The following CHD9 variants were observed in gnomAD, a reference collection of about 807,000 sequenced individuals.
The protein encoded by CHD9 is ATP-dependent chromatin remodeler CHD9.
CHD9 carries 77 observed loss-of-function variants against 316.1 expected under a neutral mutation model. The ratio of observed to expected loss-of-function variants is 0.24; its 90% CI spans 0.20 to 0.29. The LOEUF (loss-of-function observed/expected upper bound fraction) is 0.29, where lower values mean the gene tolerates loss of function less well. CHD9 is among the 10% of genes least tolerant of loss of function. The pLI is 1.00. For missense variants in CHD9, 2,763 were observed against 3,438.1 expected, an observed-to-expected ratio of 0.80 and a Z score of 4.91; for synonymous variants, 1,129 against 1,158.3, an observed-to-expected ratio of 0.97 and a Z score of 0.51.
At chr16:53,180,224 C>T (rs1276611149) in intron 2 of CHD9, among the ~76,000 whole-genome samples, 1 of 151,948 alleles carries the variant, frequency 6.6e-6, no homozygotes, top group African/African-American at 2.4e-5. Context: ...CCAGGCTGGC[C>T]TCGAACTGCT....
At chr16:53,198,267 G>T (rs577757895) in intron 2 of CHD9, among the ~76,000 whole-genome samples, 2 of 150,368 alleles carry the variant, frequency 1.3e-5, no homozygotes, top group Non-Finnish European at 2.9e-5. Flanking sequence ...GAGACTACAC[G>T]TCCATTGTTC....
intron 2 of CHD9, among the ~76,000 whole-genome samples, chr16:53,199,697 A>G (rs75746147): frequency 6.6e-6 from 1 of 152,280 alleles, no homozygotes; most frequent in Non-Finnish European, 1.5e-5. Flanking sequence ...GTAAGTGAGA[A>G]CATGTAGTTT....
At position 53,324,829 on chromosome 16, in the gene CHD9, T is replaced by A; in HGVS notation, c.8628T>A (p.Asp2876Glu). ...NSTDEGSEKA[D>E]ASSGSDSTSS... The stretch of plus-strand genomic sequence containing the variant: ...CAGATGAGGGTTCAGAGAAAGCTGA[T>A]GCTTCATCTGGATCTGATAGTACAT... The change falls in exon 39 of 39, where the codon GAT (aspartate) becomes GAA (glutamate). Residue 2876 changes from aspartate (D) to glutamate (E), a missense_variant. Coordinates refer to ENST00000447540, the MANE Select transcript of CHD9 (RefSeq NM_001308319.2). The A allele has an allele frequency of 1.2e-6, 2 of 1,612,344 alleles. No individual in the cohort carries two copies. Among genetic ancestry groups the A allele is most frequent in the Non-Finnish European group, 1.7e-6 (2 of 1,179,170 alleles).
At chr16:53,056,684 G>C (rs2032163748) in intron 1 of CHD9, among the ~76,000 whole-genome samples, 1 of 152,206 alleles carries the variant, frequency 6.6e-6, no homozygotes, top group Non-Finnish European at 1.5e-5. Context: ...TCACTGCTGT[G>C]AGCTGAGCAC....
intron 1 of CHD9, among the ~76,000 whole-genome samples, chr16:53,107,115 C>A (rs1287766098): frequency 1.3e-5 from 2 of 152,086 alleles, no homozygotes; most frequent in African/African-American, 4.8e-5. Flanking sequence ...ACAGCCTGGG[C>A]AATATAGCGA....
At position 53,155,939 on chromosome 16, in the gene CHD9, C is replaced by CATGACATGTCATTATTGCTCTAAATA; in HGVS notation, c.-135_-134insGCTCTAAATAATGACATGTCATTATT. 1.4e-6 allele frequency: 1 copy of CATGACATGTCATTATTGCTCTAAATA among 700,220 alleles called. No individual in the cohort carries two copies. The highest frequency in any genetic ancestry group is 2.3e-6 in the Non-Finnish European group (1 of 430,514). The allele number at this position is 700,220 out of a possible 1,614,324, so 43.4% of individuals were successfully genotyped here. ...CTTTTTTTCTAGGATTTTGACACTT[C>CATGACATGTCATTATTGCTCTAAATA]ATGACATGTCATTATTTAGAGCAAT... On this transcript the variant is annotated 5_prime_UTR_variant, in exon 2 of 39. The change creates a new upstream start codon in the 5' untranslated region. Coordinates refer to ENST00000447540, the MANE Select transcript of CHD9 (RefSeq NM_001308319.2).
chr16:53,107,498 TA>T lies in CHD9; in HGVS notation c.-164-48424del, dbSNP rs1338706681. 3.6e-5 allele frequency among the ~76,000 whole-genome samples: 5 copies of T among 139,544 alleles called. No homozygotes were observed. In the East Asian group the frequency reaches 8.6e-4, roughly 24 times the overall value. 91.5% of individuals were successfully genotyped at this position (139,544 alleles called of 152,430 possible). ...ATAAAATAAAATAAAATAAATAAAA[TA>T]AAATAAAATAAAATATAAAATAAAA... is the stretch of plus-strand genomic sequence containing the variant. On this transcript the variant is annotated intron_variant, in intron 1 of 38. Transcript: ENST00000447540.
intron 24 of CHD9, among the ~76,000 whole-genome samples, chr16:53,285,282 C>G (rs1444051730): frequency 6.6e-6 from 1 of 152,138 alleles, no homozygotes; most frequent in Non-Finnish European, 1.5e-5. Flanking sequence ...GACATAGTCT[C>G]TACTTCCAAT....
At chr16:53,264,750 A>G (rs1158092709) in intron 20 of CHD9, among the ~76,000 whole-genome samples, 2 of 152,216 alleles carry the variant, frequency 1.3e-5, no homozygotes, top group Non-Finnish European at 2.9e-5. Context: ...ATGAAGAGAA[A>G]GAGCCAATAC....
intron 1 of CHD9, among the ~76,000 whole-genome samples, chr16:53,061,991 C>T (rs1388986748): frequency 6.6e-6 from 1 of 152,118 alleles, no homozygotes; most frequent in Non-Finnish European, 1.5e-5. Flanking sequence ...GGGATTTTTC[C>T]CTTTTGAGCT....
intron 26 of CHD9, among the ~76,000 whole-genome samples, chr16:53,287,229 C>A (rs1453401220): frequency 6.6e-6 from 1 of 152,152 alleles, no homozygotes; most frequent in African/African-American, 2.4e-5. Context: ...CCTTGGCTTC[C>A]CAAAGTGCGG....
chr16:53,066,577 G>C (rs2033537619), intron 1 of CHD9, among the ~76,000 whole-genome samples: 1 of 152,188 alleles, frequency 6.6e-6, no homozygotes, highest in African/African-American at 2.4e-5. Context: ...TCTCACAGGG[G>C]AAACCCAGCT....
At chr16:53,290,125 T>G (rs1239178312) in intron 27 of CHD9, among the ~76,000 whole-genome samples, 5 of 151,986 alleles carry the variant, frequency 3.3e-5, no homozygotes. Flanking sequence ...TATACAAAAA[T>G]TAGCCAGGCA....
chr16:53,176,659 C>T (rs550596280), intron 2 of CHD9, among the ~76,000 whole-genome samples: 2 of 152,284 alleles, frequency 1.3e-5, no homozygotes, highest in South Asian at 2.1e-4. Context: ...CTTTTCTGCT[C>T]AGTTTCTTCT....
chr16:53,314,648 A>G, intron 35 of CHD9, 132 bp downstream of exon 35: 2 of 989,306 alleles, frequency 2.0e-6, no homozygotes, highest in Non-Finnish European at 1.5e-6. Context: ...ATAATTTTAG[A>G]TGATATCTTA....
Position 53,117,899 on chromosome 16 carries a change from C to T in CHD9, c.-164-38027C>T, listed in dbSNP as rs930415305. ...GGAGTGCAGTGGTGCGATCTTGGCT[C>T]ACTGTAAGCTCTGCCTCCCAGGTTC... On this transcript the variant is annotated intron_variant, in intron 1 of 38. Coordinates refer to ENST00000447540, the MANE Select transcript of CHD9 (RefSeq NM_001308319.2). Among the ~76,000 whole-genome samples the T allele has an allele frequency of 6.6e-5, 10 of 151,272 alleles. No individual in the cohort carries two copies. The East Asian group carries it at 1.6e-3, about 24-fold the overall frequency.
chr16:53,315,164 G>A, intron 36 of CHD9, 120 bp downstream of exon 36: 1 of 671,726 alleles, frequency 1.5e-6, no homozygotes, highest in African/African-American at 1.8e-5. Flanking sequence ...AGACCTAGGA[G>A]AATTAGCAGA....
At chr16:53,076,637 G>T (rs181533489) in intron 1 of CHD9, among the ~76,000 whole-genome samples, 120 of 151,698 alleles carry the variant, frequency 7.9e-4, no homozygotes, top group African/African-American at 2.7e-3. Flanking sequence ...TGCTGGGCAT[G>T]GTGGTGCATG....
In CHD9 at chr16:53,324,515, A is replaced by G. The variant is rs1598036141; in HGVS notation, c.8314A>G (p.Ser2772Gly). 2 of 1,613,958 alleles carry G rather than the reference A, an allele frequency of 1.2e-6. No individual in the cohort carries two copies. Among genetic ancestry groups the G allele is most frequent in the Non-Finnish European group, 1.7e-6 (2 of 1,179,864 alleles). ...GAATGGTGGAGAAAACTCTGTGTCA[A>G]GTTCTCCTTCCACATCCTCTACTGC... The part of the protein sequence containing the change: ...SENGGENSVS[S>G]SPSTSSTAAL... The change falls in exon 39 of 39, where the codon AGT (serine) becomes GGT (glycine). Residue 2772 changes from serine to glycine, a missense_variant. Transcript: ENST00000447540.
Sources: gnomAD v4.1 joint callset for allele counts (sites outside exome capture counted in the v4.1 genomes callset) on GRCh38, gnomAD v4.1.1 for gene constraint, MANE v1.5 for transcripts, NCBI Gene and HGNC (gene_info 2026-07-23, HGNC 2026-07-21) for gene names.